TOPAZ1: variants seen among roughly 807,000 people sequenced by gnomAD.
TOPAZ1 encodes protein TOPAZ1.
TOPAZ1 carries 66 observed loss-of-function variants against 172.2 expected under a neutral mutation model. The observed-to-expected ratio is 0.38, with a 90% CI of 0.31 to 0.47. TOPAZ1 has a LOEUF of 0.47. TOPAZ1 is among the 20% of genes least tolerant of loss of function. The probability of loss-of-function intolerance (pLI) is 0.99; values close to 1 mark genes in which losing one functional copy is unlikely to be tolerated. For missense variants in TOPAZ1, 1,822 were observed against 1,972.4 expected, an observed-to-expected ratio of 0.92 and a Z score of 1.44; for synonymous variants, 681 against 683.9, an observed-to-expected ratio of 1.00 and a Z score of 0.07.
At chr3:44,279,232 G>T (rs760275728) in intron 8 of TOPAZ1, among the ~76,000 whole-genome samples, 5 of 152,054 alleles carry the variant, frequency 3.3e-5, no homozygotes, top group Non-Finnish European at 5.9e-5. Context: ...GGTTCGTTTT[G>T]TATTCTAACA....
chr3:44,262,087 A>C (rs990744033), intron 4 of TOPAZ1, among the ~76,000 whole-genome samples: 1 of 152,174 alleles, frequency 6.6e-6, no homozygotes, highest in African/African-American at 2.4e-5. Context: ...CTTTAAAATA[A>C]CTCAAAGCTC....
intron 2 of TOPAZ1, among the ~76,000 whole-genome samples, chr3:44,246,603 T>C (rs1244998589): frequency 6.6e-6 from 1 of 152,140 alleles, no homozygotes; most frequent in Non-Finnish European, 1.5e-5. Flanking sequence ...GTTTTGAAGA[T>C]GGAAAAAAAT....
At position 44,242,180 on chromosome 3, in the gene TOPAZ1, T is replaced by G. The variant is rs9833423; in HGVS notation, c.127T>G (p.Cys43Gly). Residue 43 changes from cysteine to glycine, a missense_variant, in exon 1 of 20, where the codon TGC becomes GGC. Cys to Gly is a radical substitution (Grantham distance 159). Transcript: ENST00000309765. ...AGGCTGTGGCCCTGAGGCCGGGGGG[T>G]GCCGGGAAAATAAGCAAAAGAGGAG... ...AGGCGPEAGGCRENKQKRRMV... is the reference protein window; with the variant it reads ...AGGCGPEAGGGRENKQKRRMV... 2 of 1,541,600 alleles carry G rather than the reference T, an allele frequency of 1.3e-6. No homozygotes were observed.
chr3:44,298,744 C>T (rs991951413), intron 12 of TOPAZ1, among the ~76,000 whole-genome samples: 2 of 148,806 alleles, frequency 1.3e-5, no homozygotes, highest in African/African-American at 5.0e-5. Context: ...AAACCCGACA[C>T]CTTATACAAA....
intron 17 of TOPAZ1, 39 bp from the exon 18 acceptor site, chr3:44,323,053 A>G: frequency 7.2e-7 from 1 of 1,388,356 alleles, no homozygotes; most frequent in East Asian, 2.5e-5. Flanking sequence ...AGACACTTTA[A>G]TATAAATGAA....
intron 16 of TOPAZ1, among the ~76,000 whole-genome samples, chr3:44,315,632 A>C (rs1162899066): frequency 6.6e-6 from 1 of 150,612 alleles, no homozygotes; most frequent in Non-Finnish European, 1.5e-5. Flanking sequence ...TTGGCCTCCC[A>C]AAGTGCTGGG....
intron 12 of TOPAZ1, among the ~76,000 whole-genome samples, chr3:44,291,884 C>T (rs904032042): frequency 2.2e-4 from 34 of 152,092 alleles, no homozygotes; most frequent in African/African-American, 8.2e-4. Flanking sequence ...TTCTCATTAT[C>T]TTCTAATGCA....
chr3:44,244,773 C>T lies in TOPAZ1; in HGVS notation c.2267C>T (p.Ala756Val). ...CGAAATAGTGTAACTCCAGTGCAAG[C>T]TAGTTCTGACTCATTCTACAATAAG... ...SIRNSVTPVQ[A>V]SSDSFYNKKS... Residue 756 changes from alanine (A) to valine (V), a missense_variant, in exon 2 of 20, where the codon GCT becomes GTT. Physicochemically the swap from Ala to Val is moderately conservative, Grantham distance 64. This residue lies in a region of TOPAZ1 where 1,489 missense variants were observed against 1,490.8 expected (regional missense o/e 1.00). Coordinates refer to ENST00000309765, the MANE Select transcript of TOPAZ1 (RefSeq NM_001145030.2). The T allele has an allele frequency of 1.3e-6, 2 of 1,551,562 alleles. No individual in the cohort carries two copies. Among genetic ancestry groups the T allele is most frequent in the Non-Finnish European group, 1.7e-6 (2 of 1,146,966 alleles).
In TOPAZ1 at chr3:44,244,669, A is replaced by G. The variant is rs956923386; in HGVS notation, c.2163A>G (p.Leu721=). 5 of 1,551,302 alleles carry G rather than the reference A, an allele frequency of 3.2e-6. No individual in the cohort carries two copies. Among genetic ancestry groups the G allele is most frequent in the Non-Finnish European group, 4.4e-6 (5 of 1,146,974 alleles). ...GTCCTCTAGAACTTCTGGACAATTT[A>G]TCTGGAGCAGACGTAAGACAGAACA... The part of the protein sequence containing the change: ...AYSPLELLDN[L]SGADVRQNRS... The change falls in exon 2 of 20, where the codon TTA becomes TTG. Residue 721 remains leucine (L), a synonymous_variant. Transcript: ENST00000309765.
chr3:44,325,415 T>C (rs114208572), intron 18 of TOPAZ1, among the ~76,000 whole-genome samples: 127 of 152,292 alleles, frequency 8.3e-4, no homozygotes, highest in Non-Finnish European at 1.4e-3. Context: ...ATTTTTGGTA[T>C]AGTCACAGAG....
intron 9 of TOPAZ1, among the ~76,000 whole-genome samples, chr3:44,283,867 C>G (rs1700050671): frequency 6.6e-6 from 1 of 152,144 alleles, no homozygotes; most frequent in African/African-American, 2.4e-5. Context: ...ACAGGCTATC[C>G]TTTTATATAA....
At chr3:44,312,746 C>T (rs1433678020) in intron 16 of TOPAZ1, among the ~76,000 whole-genome samples, 2 of 152,140 alleles carry the variant, frequency 1.3e-5, no homozygotes, top group Non-Finnish European at 2.9e-5. Flanking sequence ...TTTTATAATC[C>T]TTGTTCAGAG....
At chr3:44,319,495 A>C (rs565590068) in intron 16 of TOPAZ1, among the ~76,000 whole-genome samples, 1 of 152,360 alleles carries the variant, frequency 6.6e-6, no homozygotes, top group South Asian at 2.1e-4. Context: ...GATAAAAAAT[A>C]ATTGAACTTA....
At chr3:44,282,738 A>G (rs115050841) in intron 9 of TOPAZ1, among the ~76,000 whole-genome samples, 63 of 152,166 alleles carry the variant, frequency 4.1e-4, no homozygotes, top group African/African-American at 1.4e-3. Flanking sequence ...GTAATAGAGC[A>G]CTTTCACTTC....
At chr3:44,335,707 T>C (rs1258131405), downstream of TOPAZ1, among the ~76,000 whole-genome samples, 1 of 152,184 alleles carries the variant, frequency 6.6e-6, no homozygotes, top group East Asian at 1.9e-4. Context: ...TTTGTTCATG[T>C]ACATAGAAAA....
intron 12 of TOPAZ1, among the ~76,000 whole-genome samples, chr3:44,294,271 C>T (rs766329118): frequency 1.3e-4 from 19 of 151,720 alleles, no homozygotes; most frequent in Non-Finnish European, 2.4e-4. Context: ...CATCAAACGA[C>T]GCATGACTGT....
intron 12 of TOPAZ1, among the ~76,000 whole-genome samples, chr3:44,292,954 C>A (rs746186638): frequency 4.6e-5 from 7 of 152,110 alleles, no homozygotes; most frequent in Non-Finnish European, 8.8e-5. Flanking sequence ...ACCCTCTGCC[C>A]CTTTCTGTGC....
intron 2 of TOPAZ1, among the ~76,000 whole-genome samples, chr3:44,251,731 G>A (rs1483552423): frequency 6.6e-6 from 1 of 152,098 alleles, no homozygotes. Flanking sequence ...TAATCTGTAT[G>A]GCTCTTCAGA....
intron 12 of TOPAZ1, among the ~76,000 whole-genome samples, chr3:44,298,265 G>A (rs1559541609): frequency 6.6e-6 from 1 of 152,104 alleles, no homozygotes; most frequent in African/African-American, 2.4e-5. Context: ...GGAGTTCGAG[G>A]CCAGCCTGGG....
Sources: allele counts gnomAD v4.1 joint callset (sites outside exome capture counted in the v4.1 genomes callset), GRCh38; gene constraint gnomAD v4.1.1; regional missense constraint gnomAD v4.1.1; transcripts MANE v1.5; gene names NCBI Gene and HGNC (gene_info 2026-07-23, HGNC 2026-07-21).